TMPRSS11F: variants seen among roughly 807,000 people sequenced by gnomAD.
TMPRSS11F encodes transmembrane protease serine 11F.
A neutral mutation model predicts 60.2 loss-of-function variants in TMPRSS11F; 47 were observed. That is an observed-to-expected ratio of 0.78 (90% CI 0.62 to 1.00). TMPRSS11F has a LOEUF of 1.00. TMPRSS11F is among the 50% of genes least tolerant of loss of function. The pLI, the probability that TMPRSS11F is intolerant of heterozygous loss-of-function variation, is 0.00. For synonymous variants in TMPRSS11F, 166 were observed against 167.3 expected (o/e 0.99, Z 0.06); for missense variants, 519 against 522.9 (o/e 0.99, Z 0.07).
intron 1 of TMPRSS11F, among the ~76,000 whole-genome samples, chr4:68,122,155 A>G (rs1376230533): frequency 6.6e-6 from 1 of 152,208 alleles, no homozygotes; most frequent in Non-Finnish European, 1.5e-5. Context: ...ATAACATAGA[A>G]TAATTACATT....
chr4:68,068,575 A>G, intron 7 of TMPRSS11F, 43 bp downstream of exon 7: 2 of 1,529,816 alleles, frequency 1.3e-6, no homozygotes, highest in Non-Finnish European at 9.1e-7. Context: ...GTGGCAGATG[A>G]GGACTGTGAA....
intron 3 of TMPRSS11F, among the ~76,000 whole-genome samples, chr4:68,081,390 A>G (rs1723694349): frequency 6.6e-6 from 1 of 152,228 alleles, no homozygotes; most frequent in African/African-American, 2.4e-5. Context: ...ATATGGAAAA[A>G]TTCCAGAACT....
chr4:68,091,781 C>CTCTCTA (rs1553887418), intron 2 of TMPRSS11F, among the ~76,000 whole-genome samples: 5 of 118,692 alleles, frequency 4.2e-5, no homozygotes, highest in African/African-American at 1.8e-4. Flanking sequence ...CTCTCTCTCT[C>CTCTCTA]TCTATCTATC....
At chr4:68,061,990 A>G in intron 8 of TMPRSS11F, 3 of 453,224 alleles carry the variant, frequency 6.6e-6, no homozygotes, top group Admixed American at 4.7e-5. Context: ...CTGAGGCACA[A>G]TGAAACTAAG....
At chr4:68,115,008 AAAAAG>A (rs1225401587) in intron 1 of TMPRSS11F, among the ~76,000 whole-genome samples, 11 of 149,888 alleles carry the variant, frequency 7.3e-5, no homozygotes, top group Non-Finnish European at 1.5e-4. Flanking sequence ...AAAAAAAAAA[AAAAAG>A]AAGAAGAACA....
chr4:68,122,642 A>T (rs1187893018), intron 1 of TMPRSS11F, among the ~76,000 whole-genome samples: 4 of 152,220 alleles, frequency 2.6e-5, no homozygotes, highest in African/African-American at 9.6e-5. Flanking sequence ...TAGATAACAC[A>T]TAATTCAAGC....
intron 1 of TMPRSS11F, 108 bp downstream of exon 1, chr4:68,129,702 C>T: frequency 2.1e-6 from 2 of 974,128 alleles, no homozygotes; most frequent in Non-Finnish European, 3.1e-6. Flanking sequence ...CATTAAAACT[C>T]TAATGTTTAA....
intron 2 of TMPRSS11F, among the ~76,000 whole-genome samples, chr4:68,091,419 G>T (rs1440582943): frequency 6.6e-6 from 1 of 151,972 alleles, no homozygotes; most frequent in Non-Finnish European, 1.5e-5. Context: ...AATCTTAACT[G>T]GGATGGCCTT....
intron 3 of TMPRSS11F, among the ~76,000 whole-genome samples, chr4:68,074,992 T>A (rs968143820): frequency 3.5e-4 from 53 of 152,302 alleles, no homozygotes; most frequent in African/African-American, 1.2e-3. Flanking sequence ...ATAAATAGAT[T>A]AAAAAATTTT....
chr4:68,069,757 G>A (rs572368214), intron 6 of TMPRSS11F, among the ~76,000 whole-genome samples: 30 of 151,648 alleles, frequency 2.0e-4, no homozygotes, highest in Admixed American at 3.9e-4. Flanking sequence ...ACCACATCTC[G>A]TAGGTCATAT....
chr4:68,072,045 TG>T (rs1723476914), intron 5 of TMPRSS11F, among the ~76,000 whole-genome samples: 2 of 151,638 alleles, frequency 1.3e-5, no homozygotes, highest in Non-Finnish European at 2.9e-5. Flanking sequence ...ACTTACCCTT[TG>T]GAACTTTTGT....
chr4:68,111,712 C>T lies in TMPRSS11F; in HGVS notation c.12-12674G>A, dbSNP rs977587745. On this transcript the variant is annotated intron_variant, in intron 1 of 9. Transcript: ENST00000356291. The stretch of plus-strand genomic sequence containing the variant: ...ATTTTTCTGCCAGCATGGTGGTGGA[C>T]AGTTGATACATTTTACCTCAAATTT... Among the ~76,000 whole-genome samples the T allele has an allele frequency of 2.6e-5, 4 of 152,104 alleles. No homozygotes were observed. In the South Asian group the frequency reaches 6.2e-4, roughly 24 times the overall value.
intron 2 of TMPRSS11F, among the ~76,000 whole-genome samples, chr4:68,093,140 C>G (rs970658): frequency 6.6e-6 from 1 of 151,992 alleles, no homozygotes; most frequent in Non-Finnish European, 1.5e-5. Flanking sequence ...TTGTAGAAAT[C>G]GAATTTAATA....
At chr4:68,117,429 C>T (rs1724548318) in intron 1 of TMPRSS11F, among the ~76,000 whole-genome samples, 1 of 143,388 alleles carries the variant, frequency 7.0e-6, no homozygotes, top group South Asian at 2.3e-4. Context: ...GATCCGGCCA[C>T]CGCACTCCAG....
At chr4:68,057,701 G>A (rs1723075027) in intron 9 of TMPRSS11F, among the ~76,000 whole-genome samples, 3 of 152,052 alleles carry the variant, frequency 2.0e-5, no homozygotes, top group African/African-American at 7.2e-5. Context: ...AATTGGCAAA[G>A]GACTTAGATA....
intron 9 of TMPRSS11F, among the ~76,000 whole-genome samples, chr4:68,055,172 A>T (rs1026926355): frequency 6.6e-6 from 1 of 152,206 alleles, no homozygotes; most frequent in Non-Finnish European, 1.5e-5. Flanking sequence ...ATAGTGTGTG[A>T]TGAGTCTGGA....
At chr4:68,102,719 C>A (rs1484620982) in intron 1 of TMPRSS11F, among the ~76,000 whole-genome samples, 3 of 152,040 alleles carry the variant, frequency 2.0e-5, no homozygotes, top group Non-Finnish European at 4.4e-5. Context: ...AGATATTAAC[C>A]CTTTCTCAGA....
intron 1 of TMPRSS11F, among the ~76,000 whole-genome samples, chr4:68,119,211 G>T (rs559841447): frequency 1.3e-5 from 2 of 151,942 alleles, no homozygotes; most frequent in Non-Finnish European, 2.9e-5. Context: ...TTCTATAAAA[G>T]CTGAGAGAGG....
chr4:68,067,096 C>T (rs1051017087), intron 7 of TMPRSS11F, among the ~76,000 whole-genome samples: 7 of 152,048 alleles, frequency 4.6e-5, no homozygotes, highest in African/African-American at 1.7e-4. Context: ...ATCACTTTAC[C>T]CAACTCTTTT....
Sources: gnomAD v4.1 joint callset for allele counts (sites outside exome capture counted in the v4.1 genomes callset) on GRCh38, gnomAD v4.1.1 for gene constraint, MANE v1.5 for transcripts, NCBI Gene and HGNC (gene_info 2026-07-23, HGNC 2026-07-21) for gene names.